The following STRBP variants were observed in gnomAD, a reference collection of about 807,000 sequenced individuals.
STRBP encodes spermatid perinuclear RNA binding protein.
STRBP carries 13 observed loss-of-function variants against 80.1 expected under a neutral mutation model. That is an observed-to-expected ratio of 0.16 (90% CI 0.11 to 0.26). The LOEUF is 0.26. STRBP is among the 10% of genes least tolerant of loss of function. The pLI is 1.00. For missense variants in STRBP, 485 were observed against 815.2 expected, an observed-to-expected ratio of 0.59 and a Z score of 4.93; for synonymous variants, 284 against 291.2, an observed-to-expected ratio of 0.98 and a Z score of 0.25.
intron 3 of STRBP, chr9:123,111,503 A>T (rs2035565822): frequency 2.7e-6 from 1 of 376,622 alleles, no homozygotes; most frequent in South Asian, 1.9e-5. Flanking sequence ...TTCCCTAAGC[A>T]GGAAAACGGG....
intron 1 of STRBP, among the ~76,000 whole-genome samples, chr9:123,238,715 G>A (rs2040626205): frequency 6.6e-6 from 1 of 152,120 alleles, no homozygotes; most frequent in South Asian, 2.1e-4. Flanking sequence ...ACTACCCAAG[G>A]AAATTTCAGA....
intron 5 of STRBP, among the ~76,000 whole-genome samples, chr9:123,172,026 A>C (rs2038032619): frequency 6.6e-6 from 1 of 152,252 alleles, no homozygotes; most frequent in African/African-American, 2.4e-5. Context: ...GAAAGCTCTA[A>C]CAATGCCAAC....
At chr9:123,261,752 T>C (rs1490380743) in intron 1 of STRBP, among the ~76,000 whole-genome samples, 1 of 152,236 alleles carries the variant, frequency 6.6e-6, no homozygotes, top group Non-Finnish European at 1.5e-5. Flanking sequence ...CACCAAAGTC[T>C]TGAGATTTTA....
Position 123,115,923 on chromosome 9 carries a change from A to T in STRBP, c.*84+6T>A, listed in dbSNP as rs1341007361. The T allele has an allele frequency of 4.6e-6, 2 of 433,860 alleles. No homozygotes were observed. The highest frequency in any genetic ancestry group is 4.1e-5 in the African/African-American group (2 of 48,606). The allele number at this position is 433,860 out of a possible 1,614,324, so 26.9% of individuals were successfully genotyped here. ...ACAACAAATAAATATAATCCCTTAA[A>T]AATACCTGGCAGGAGTGCCCACGTT... is the stretch of plus-strand genomic sequence containing the variant. On this transcript the variant is annotated splice_donor_region_variant and intron_variant and NMD_transcript_variant, in intron 3 of 3. Coordinates refer to the STRBP transcript ENST00000471564. This position sits in a 1 kb window ranked among gnomAD's most constrained non-coding sequence, Gnocchi z 5.0.
At chr9:123,236,774 A>ATG (rs976862992) in intron 2 of STRBP, 56 bp downstream of exon 2, 1 of 152,114 alleles carries the variant, frequency 6.6e-6, no homozygotes, top group Non-Finnish European at 1.5e-5. Context: ...TTAACCACCT[A>ATG]TGTCTCGATT....
At chr9:123,127,856 T>A (rs1418741106) in intron 18 of STRBP, among the ~76,000 whole-genome samples, 1 of 152,240 alleles carries the variant, frequency 6.6e-6, no homozygotes, top group Non-Finnish European at 1.5e-5. Context: ...GAAACTTAAG[T>A]GTGGCTTTAA....
At chr9:123,254,747 A>G (rs1386583727) in intron 1 of STRBP, among the ~76,000 whole-genome samples, 1 of 152,208 alleles carries the variant, frequency 6.6e-6, no homozygotes, top group African/African-American at 2.4e-5. Flanking sequence ...ATTATCCTAA[A>G]TAGGAAAATT....
intron 5 of STRBP, among the ~76,000 whole-genome samples, chr9:123,171,183 C>T (rs1054023335): frequency 2.6e-5 from 4 of 152,106 alleles, no homozygotes; most frequent in Non-Finnish European, 2.9e-5. Context: ...TTATGCATGT[C>T]GATCACCATA....
At chr9:123,207,417 T>G (rs1029690305) in intron 2 of STRBP, among the ~76,000 whole-genome samples, 3 of 152,152 alleles carry the variant, frequency 2.0e-5, no homozygotes, top group Non-Finnish European at 4.4e-5. Context: ...ATGAACAAAG[T>G]GATGCCCTGA....
At chr9:123,159,966 C>T (rs749523126) in intron 8 of STRBP, among the ~76,000 whole-genome samples, 36 of 152,184 alleles carry the variant, frequency 2.4e-4, no homozygotes, top group Non-Finnish European at 4.1e-4. Context: ...ATCCTTATAC[C>T]GGCCTATTGG....
At chr9:123,149,038 A>G (rs568211650) in intron 11 of STRBP, among the ~76,000 whole-genome samples, 31 of 152,342 alleles carry the variant, frequency 2.0e-4, no homozygotes, top group African/African-American at 7.0e-4. Flanking sequence ...CTATTCAAGT[A>G]CTTTAAAGAT....
At chr9:123,130,863 T>C (rs2036106996) in intron 17 of STRBP, among the ~76,000 whole-genome samples, 1 of 152,160 alleles carries the variant, frequency 6.6e-6, no homozygotes, top group Non-Finnish European at 1.5e-5. Flanking sequence ...GCTTCCTTTA[T>C]ATTCCTCCCA....
At chr9:123,232,061 C>T (rs1274455736) in intron 2 of STRBP, among the ~76,000 whole-genome samples, 1 of 152,184 alleles carries the variant, frequency 6.6e-6, no homozygotes, top group East Asian at 1.9e-4. Flanking sequence ...CCTGTAATCA[C>T]AGCACTTTGG....
intron 2 of STRBP, among the ~76,000 whole-genome samples, chr9:123,188,458 G>A (rs189913316): frequency 2.0e-5 from 3 of 152,174 alleles, no homozygotes; most frequent in Admixed American, 6.5e-5. Flanking sequence ...TGGCTAACAC[G>A]GTGAAACCTT....
rs567998969 is a variant in STRBP at position 123,157,069 on chromosome 9, T to G, written c.1045+943A>C. Among the ~76,000 whole-genome samples the G allele has an allele frequency of 3.3e-5, 5 of 152,268 alleles. No homozygotes were observed. In the East Asian group the frequency reaches 9.6e-4, roughly 29 times the overall value. On this transcript the variant is annotated intron_variant, in intron 11 of 18. Coordinates refer to ENST00000348403, the MANE Select transcript of STRBP (RefSeq NM_018387.5). ...AGGGTAATATCCCTAGTGAGAGAGA[T>G]GAGCTAACTGCTCAAGGCCTAAAAC... is the stretch of plus-strand genomic sequence containing the variant.
At chr9:123,160,891 G>T in intron 7 of STRBP, 86 bp downstream of exon 7, 1 of 1,117,808 alleles carries the variant, frequency 8.9e-7, no homozygotes, top group Non-Finnish European at 1.3e-6. Flanking sequence ...ATTTTATGTA[G>T]TACACAGAAA....
chr9:123,235,084 T>C (rs1486626581), intron 2 of STRBP, among the ~76,000 whole-genome samples: 2 of 151,566 alleles, frequency 1.3e-5, no homozygotes, highest in South Asian at 2.1e-4. Context: ...ACATACCTTA[T>C]GTAACCACTG....
At chr9:123,261,529 C>A (rs1235004715) in intron 1 of STRBP, among the ~76,000 whole-genome samples, 1 of 152,102 alleles carries the variant, frequency 6.6e-6, no homozygotes, top group Non-Finnish European at 1.5e-5. Flanking sequence ...AATAAAGGAA[C>A]AATAATACTG....
chr9:123,165,480 G>A (rs969070177), intron 6 of STRBP, among the ~76,000 whole-genome samples: 4 of 152,048 alleles, frequency 2.6e-5, no homozygotes, highest in African/African-American at 9.7e-5. Flanking sequence ...GGGACTCTGA[G>A]GCAACTTCTC....
Sources: allele counts gnomAD v4.1 joint callset (sites outside exome capture counted in the v4.1 genomes callset), GRCh38; gene constraint gnomAD v4.1.1; non-coding constraint Gnocchi (gnomAD v3.1); transcripts MANE v1.5; gene names NCBI Gene and HGNC (gene_info 2026-07-23, HGNC 2026-07-21).